The following SNTB1 variants were observed in gnomAD, a reference collection of about 807,000 sequenced individuals.
SNTB1 encodes syntrophin beta 1.
In SNTB1, 36 loss-of-function variants were observed where a neutral mutation model predicts 48.9. That is an observed-to-expected ratio of 0.74 (90% confidence interval 0.56 to 0.97). The LOEUF (loss-of-function observed/expected upper bound fraction) is 0.97. Ranked by LOEUF, SNTB1 falls within the 50% of genes least tolerant of loss-of-function variation. The pLI is 0.00. For missense variants in SNTB1, 786 were observed against 703.4 expected (o/e 1.12, Z -1.33); for synonymous variants, 299 against 294.6 (o/e 1.01, Z -0.15).
chr8:120,650,797 G>C (rs1038286359), intron 2 of SNTB1, among the ~76,000 whole-genome samples: 2 of 152,186 alleles, frequency 1.3e-5, no homozygotes, highest in African/African-American at 4.8e-5. Flanking sequence ...TTCCATTCCT[G>C]GCTGGCTGTG....
chr8:120,606,719 A>G (rs1039876476), intron 3 of SNTB1, among the ~76,000 whole-genome samples: 1 of 152,202 alleles, frequency 6.6e-6, no homozygotes, highest in Admixed American at 6.5e-5. Flanking sequence ...TGAGAATTCA[A>G]ACATGACCAT....
At chr8:120,745,838 G>A (rs12547322) in intron 1 of SNTB1, among the ~76,000 whole-genome samples, 19,951 of 151,924 alleles carry the variant, frequency 0.13, 1,713 homozygotes, top group African/African-American at 0.24. Flanking sequence ...CACTGCCCCC[G>A]TATCTTTACT....
chr8:120,658,006 G>A (rs1817528227), intron 2 of SNTB1, among the ~76,000 whole-genome samples: 2 of 152,210 alleles, frequency 1.3e-5, no homozygotes, highest in Non-Finnish European at 2.9e-5. Flanking sequence ...TATTTAGTAT[G>A]TGAAGTTAGC....
intron 1 of SNTB1, among the ~76,000 whole-genome samples, chr8:120,717,344 T>C (rs1818576809): frequency 6.6e-6 from 1 of 152,180 alleles, no homozygotes; most frequent in South Asian, 2.1e-4. Context: ...ATATTAAGAC[T>C]CTTCTCCCAC....
At chr8:120,766,572 T>C (rs778986775) in intron 1 of SNTB1, among the ~76,000 whole-genome samples, 3 of 152,184 alleles carry the variant, frequency 2.0e-5, no homozygotes, top group Non-Finnish European at 4.4e-5. Flanking sequence ...CATTAAGTCA[T>C]TTAACATAAA....
chr8:120,601,319 C>T (rs1442879329), intron 3 of SNTB1, among the ~76,000 whole-genome samples: 3 of 152,026 alleles, frequency 2.0e-5, no homozygotes, highest in East Asian at 3.9e-4. Flanking sequence ...ATTTAGATTT[C>T]GTTAGTCTCA....
At chr8:120,540,140 A>T (rs1159756219) in intron 6 of SNTB1, among the ~76,000 whole-genome samples, 1 of 152,178 alleles carries the variant, frequency 6.6e-6, no homozygotes. Flanking sequence ...AAACGAAAGG[A>T]CTTCCCCAAC....
At chr8:120,544,986 G>A (rs1815353137) in intron 5 of SNTB1, among the ~76,000 whole-genome samples, 2 of 152,064 alleles carry the variant, frequency 1.3e-5, no homozygotes, top group African/African-American at 4.8e-5. Context: ...TTTCATGATT[G>A]CATAAACAGA....
chr8:120,732,494 G>A (rs1311912428), intron 1 of SNTB1, among the ~76,000 whole-genome samples: 1 of 152,174 alleles, frequency 6.6e-6, no homozygotes, highest in Non-Finnish European at 1.5e-5. Context: ...CTTCAGTTAA[G>A]AGTTAATCAT....
Position 120,606,202 on chromosome 8 carries a change from A to G in SNTB1, c.996+26242T>C, listed in dbSNP as rs1366513535. On this transcript the variant is annotated intron_variant, in intron 3 of 6. Transcript: ENST00000517992. ...TATATAATTATATATATCATATGTT[A>G]TATGATATGGAATTATAATATAATA... Among the ~76,000 whole-genome samples, 5 of 145,688 alleles carry G rather than the reference A, an allele frequency of 3.4e-5. No individual in the cohort carries two copies. The South Asian group carries it at 6.4e-4, about 19-fold the overall frequency.
At chr8:120,691,261 A>G (rs2129854316) in intron 2 of SNTB1, among the ~76,000 whole-genome samples, 1 of 152,214 alleles carries the variant, frequency 6.6e-6, no homozygotes, top group East Asian at 1.9e-4. Context: ...AATTGCTCCT[A>G]CAATGTCTCA....
intron 1 of SNTB1, among the ~76,000 whole-genome samples, chr8:120,792,341 T>C: frequency 9.3e-6 from 1 of 107,770 alleles, no homozygotes; most frequent in Non-Finnish European, 1.7e-5. Flanking sequence ...TATTGGAGAC[T>C]CAGAAAAGGG....
chr8:120,783,777 T>A (rs562522402), intron 1 of SNTB1, among the ~76,000 whole-genome samples: 1 of 152,328 alleles, frequency 6.6e-6, no homozygotes, highest in East Asian at 1.9e-4. Flanking sequence ...ATCCGAGGAT[T>A]CAACCAACCA....
intron 1 of SNTB1, among the ~76,000 whole-genome samples, chr8:120,751,609 A>T (rs1041710668): frequency 2.0e-5 from 3 of 152,032 alleles, no homozygotes; most frequent in Non-Finnish European, 4.4e-5. Context: ...TAAGCATTTG[A>T]CTTATGTTGA....
At chr8:120,646,493 C>T (rs1817299826) in intron 2 of SNTB1, among the ~76,000 whole-genome samples, 1 of 149,574 alleles carries the variant, frequency 6.7e-6, no homozygotes, top group African/African-American at 2.4e-5. Context: ...ATTGAACCAG[C>T]CTTGCATCCC....
At position 120,548,882 on chromosome 8, in the gene SNTB1, T is replaced by G. The variant is rs1380131739; in HGVS notation, c.1213A>C (p.Arg405=). The G allele has an allele frequency of 6.2e-7, 1 of 1,613,730 alleles. No homozygotes were observed. Among genetic ancestry groups the G allele is most frequent in the African/African-American group, 1.3e-5 (1 of 74,912 alleles). The change falls in exon 5 of 7, where the codon AGG becomes CGG. Residue 405 remains arginine (R), a synonymous_variant. Coordinates refer to ENST00000517992, the MANE Select transcript of SNTB1 (RefSeq NM_021021.4). The stretch of plus-strand genomic sequence containing the variant: ...AAGAGATGTGTTTCAATCCCTTGCC[T>G]GGTACCAGTTCGCGTTGCAAAGGAC... ...DLSFATRTGT[R]QGIETHLFRA...
Position 120,548,762 on chromosome 8 carries a change from C to T in SNTB1, c.1333G>A (p.Ala445Thr). The T allele has an allele frequency of 6.2e-7, 1 of 1,613,682 alleles. No homozygotes were observed. The highest frequency in any genetic ancestry group is 1.1e-5 in the South Asian group (1 of 91,070). The change falls in exon 5 of 7, where the codon GCT (alanine) becomes ACT (threonine). Residue 445 changes from alanine (A) to threonine (T), a missense_variant and splice_region_variant. Transcript: ENST00000517992. ...SAELIAEISTACTYKNQECRL... is the reference protein window; with the variant it reads ...SAELIAEISTTCTYKNQECRL... Reference sequence around the variant, plus strand: ...CTTGGTAGCTCACTGCAGTACTCACCAGTGCTGATTTCAGCAATGAGTTCA... The same window carrying T: ...CTTGGTAGCTCACTGCAGTACTCACTAGTGCTGATTTCAGCAATGAGTTCA...
intron 1 of SNTB1, among the ~76,000 whole-genome samples, chr8:120,722,011 A>T (rs1818668427): frequency 6.6e-6 from 1 of 151,838 alleles, no homozygotes; most frequent in Non-Finnish European, 1.5e-5. Context: ...TCCTTGTGAT[A>T]GTTTGCTGAG....
intron 4 of SNTB1, among the ~76,000 whole-genome samples, chr8:120,552,371 C>A (rs2130656280): frequency 6.6e-6 from 1 of 152,012 alleles, no homozygotes; most frequent in East Asian, 1.9e-4. Context: ...ATGAAGAAGG[C>A]TTTTATTTAT....
Sources: allele counts gnomAD v4.1 joint callset (sites outside exome capture counted in the v4.1 genomes callset), GRCh38; gene constraint gnomAD v4.1.1; transcripts MANE v1.5; gene names NCBI Gene and HGNC (gene_info 2026-07-23, HGNC 2026-07-21).